ADAMTSL1: variants seen among roughly 807,000 people sequenced by gnomAD.
The protein encoded by ADAMTSL1 is ADAMTS like 1.
ADAMTSL1 carries 126 observed loss-of-function variants against 201.8 expected under a neutral mutation model. The observed-to-expected ratio is 0.62, with a 90% CI of 0.54 to 0.72. The LOEUF is 0.72. Ranked by LOEUF, ADAMTSL1 falls within the 30% of genes least tolerant of loss-of-function variation. The pLI is 0.00. For missense variants in ADAMTSL1, 2,679 were observed against 2,277.8 expected, an observed-to-expected ratio of 1.18 and a Z score of -3.59; for synonymous variants, 1,121 against 903.4, an observed-to-expected ratio of 1.24 and a Z score of -4.32.
chr9:18,112,331 C>A (rs979209734), intron 1 of ADAMTSL1, among the ~76,000 whole-genome samples: 2 of 152,006 alleles, frequency 1.3e-5, no homozygotes, highest in Non-Finnish European at 2.9e-5. Context: ...CCCGAGGGGA[C>A]GTACTCCATT....
chr9:18,427,746 C>T (rs986871137), intron 2 of ADAMTSL1, among the ~76,000 whole-genome samples: 8 of 152,234 alleles, frequency 5.3e-5, no homozygotes, highest in African/African-American at 1.4e-4. Context: ...GTTACATTTT[C>T]CTAAACCTTT....
chr9:18,170,384 C>T (rs1318533070), intron 2 of ADAMTSL1, among the ~76,000 whole-genome samples: 1 of 151,906 alleles, frequency 6.6e-6, no homozygotes, highest in Non-Finnish European at 1.5e-5. Context: ...TAAATATCTA[C>T]ATTTGGCAAT....
rs190045564 is a variant in ADAMTSL1 at position 18,642,705 on chromosome 9, T to C, written c.834+3294T>C. Among the ~76,000 whole-genome samples, 150 of 152,142 alleles carry C rather than the reference T, an allele frequency of 9.9e-4. 1 individual carries two copies. Among genetic ancestry groups the C allele is most frequent in the African/African-American group, 3.2e-3 (135 of 41,548 alleles). On this transcript the variant is annotated intron_variant, in intron 7 of 28. Transcript: ENST00000380548. ...AGTATTTGTCTTTCTGGGCCTAGCT[T>C]ATTTCATTTAACATAATGTTCTCCA...
intron 2 of ADAMTSL1, among the ~76,000 whole-genome samples, chr9:18,276,408 T>G (rs1478270724): frequency 6.6e-6 from 1 of 152,208 alleles, no homozygotes; most frequent in Admixed American, 6.5e-5. Context: ...CTATGAAAAC[T>G]TTGCCTAACT....
At chr9:18,054,921 A>G (rs1198260244) in intron 1 of ADAMTSL1, among the ~76,000 whole-genome samples, 2 of 152,170 alleles carry the variant, frequency 1.3e-5, no homozygotes, top group African/African-American at 4.8e-5. Context: ...AACTGGTCCA[A>G]CTATTTATTT....
upstream of ADAMTSL1, among the ~76,000 whole-genome samples, chr9:18,470,174 G>A (rs909039488): frequency 6.6e-5 from 10 of 152,094 alleles, no homozygotes; most frequent in South Asian, 2.1e-4. Context: ...CATTTTCTAC[G>A]TAGGAGGACT....
intron 2 of ADAMTSL1, among the ~76,000 whole-genome samples, chr9:18,259,854 A>G (rs545974199): frequency 6.6e-6 from 1 of 152,300 alleles, no homozygotes; most frequent in African/African-American, 2.4e-5. Flanking sequence ...AAAAAATAAA[A>G]AGGGAAAGAA....
chr9:17,983,349 G>A (rs540213332), intron 1 of ADAMTSL1, among the ~76,000 whole-genome samples: 4 of 152,144 alleles, frequency 2.6e-5, no homozygotes, highest in Admixed American at 6.5e-5. Context: ...GATTACAGGC[G>A]TGAGCCACCT....
At chr9:18,242,649 G>T (rs900572103) in intron 2 of ADAMTSL1, among the ~76,000 whole-genome samples, 2 of 151,898 alleles carry the variant, frequency 1.3e-5, no homozygotes, top group Non-Finnish European at 2.9e-5. Context: ...TAAATAAATT[G>T]ATGCACTAAA....
intron 1 of ADAMTSL1, among the ~76,000 whole-genome samples, chr9:18,093,702 C>T (rs1463179726): frequency 6.6e-6 from 1 of 152,066 alleles, no homozygotes; most frequent in Non-Finnish European, 1.5e-5. Flanking sequence ...AAGTTTTTAG[C>T]CATCCCTGGG....
At chr9:18,830,212 T>A (rs1824888699) in intron 23 of ADAMTSL1, among the ~76,000 whole-genome samples, 1 of 152,190 alleles carries the variant, frequency 6.6e-6, no homozygotes, top group African/African-American at 2.4e-5. Context: ...ATGGCTCCTT[T>A]CTGAATCCTC....
chr9:18,847,311 A>C (rs1284911291), intron 23 of ADAMTSL1, among the ~76,000 whole-genome samples: 2 of 152,204 alleles, frequency 1.3e-5, no homozygotes, highest in Non-Finnish European at 2.9e-5. Flanking sequence ...AGGATGAGGC[A>C]AAGTATTCCA....
rs184830679 is a variant in ADAMTSL1, at chr9:18,734,206, A to G, written c.2006+12541A>G. ...GTGCCTCGCTCATACTAAGTACTCT[A>G]TGAATGGTAATAGAGATTAGTTTTG... On this transcript the variant is annotated intron_variant, in intron 15 of 28. Transcript: ENST00000380548. 1.1e-4 allele frequency among the ~76,000 whole-genome samples: 16 copies of G among 152,314 alleles called. No individual in the cohort carries two copies. In the East Asian group the frequency reaches 2.5e-3, roughly 24 times the overall value.
At chr9:18,551,960 A>T (rs1181672931) in intron 3 of ADAMTSL1, among the ~76,000 whole-genome samples, 1 of 151,698 alleles carries the variant, frequency 6.6e-6, no homozygotes, top group African/African-American at 2.4e-5. Flanking sequence ...TTGCATCTCT[A>T]ATGGTGTTTG....
At position 17,985,327 on chromosome 9, in the gene ADAMTSL1, C is replaced by T. The variant is rs57455015; in HGVS notation, c.87+78405C>T. The stretch of plus-strand genomic sequence containing the variant: ...TTAAACCTTTTGTATATTTTCCAAA[C>T]GTTAAAACTTTAAATGTTAAAATGT... On this transcript the variant is annotated intron_variant, in intron 1 of 29. Transcript: ENST00000680146. Among the ~76,000 whole-genome samples the T allele has an allele frequency of 8.7e-3, 1,322 of 152,118 alleles. 16 individuals are homozygous for T. Among genetic ancestry groups the T allele is most frequent in the African/African-American group, 0.03 (1,254 of 41,510 alleles).
At chr9:18,287,310 C>T (rs1256502053) in intron 2 of ADAMTSL1, among the ~76,000 whole-genome samples, 1 of 151,764 alleles carries the variant, frequency 6.6e-6, no homozygotes, top group African/African-American at 2.4e-5. Context: ...TACGTATATA[C>T]ATATGTATGT....
chr9:18,021,640 T>C (rs1057513188), intron 1 of ADAMTSL1, among the ~76,000 whole-genome samples: 2 of 152,172 alleles, frequency 1.3e-5, no homozygotes, highest in Non-Finnish European at 2.9e-5. Flanking sequence ...TATTATGGAA[T>C]AAAAGTTACT....
rs1818569888 is a variant in ADAMTSL1 at position 18,414,128 on chromosome 9, A to G, written c.208-90701A>G. Among the ~76,000 whole-genome samples the G allele has an allele frequency of 2.6e-5, 4 of 152,350 alleles. No homozygotes were observed. In the South Asian group the frequency reaches 6.2e-4, roughly 24 times the overall value. Reference sequence around the variant, plus strand: ...TGACTATTCAAGTATGAGTGTAATAACGTCTCTAAGGCTAATATCATAAAA... The same window carrying G: ...TGACTATTCAAGTATGAGTGTAATAGCGTCTCTAAGGCTAATATCATAAAA... On this transcript the variant is annotated intron_variant, in intron 2 of 29. Transcript: ENST00000680146.
chr9:18,720,479 T>C (rs1833268374), intron 14 of ADAMTSL1, among the ~76,000 whole-genome samples: 1 of 152,218 alleles, frequency 6.6e-6, no homozygotes. Flanking sequence ...ATTACATTGC[T>C]CATTTAAATG....
Sources: allele counts gnomAD v4.1 joint callset (sites outside exome capture counted in the v4.1 genomes callset), GRCh38; gene constraint gnomAD v4.1.1; transcripts MANE v1.5; gene names NCBI Gene and HGNC (gene_info 2026-07-23, HGNC 2026-07-21).